The following CAMK2G variants were observed in gnomAD, a reference collection of about 807,000 sequenced individuals.
The protein encoded by CAMK2G is calcium/calmodulin dependent protein kinase II gamma, also known as calcium/calmodulin-dependent protein kinase type II subunit gamma.
In CAMK2G, 23 loss-of-function variants were observed where a neutral mutation model predicts 88.7. The observed-to-expected ratio is 0.26, with a 90% CI of 0.19 to 0.37. CAMK2G has a LOEUF of 0.37. Ranked by LOEUF, CAMK2G falls within the 10% of genes least tolerant of loss-of-function variation. The pLI is 1.00. For synonymous variants in CAMK2G, 263 were observed against 294.8 expected (o/e 0.89, Z 1.11); for missense variants, 476 against 780.8 (o/e 0.61, Z 4.65).
At chr10:73,868,969 G>A (rs1331496106) in intron 2 of CAMK2G, among the ~76,000 whole-genome samples, 4 of 152,158 alleles carry the variant, frequency 2.6e-5, no homozygotes, top group Non-Finnish European at 5.9e-5. Context: ...GGCCCAGAAC[G>A]AGGCCCCTAA....
At chr10:73,861,157 G>A (rs1185214331) in intron 2 of CAMK2G, among the ~76,000 whole-genome samples, 1 of 152,206 alleles carries the variant, frequency 6.6e-6, no homozygotes, top group Non-Finnish European at 1.5e-5. Flanking sequence ...CTCCTGAATA[G>A]CTGGAACTAT....
At chr10:73,851,865 C>T (rs979592529) in intron 5 of CAMK2G, among the ~76,000 whole-genome samples, 5 of 151,910 alleles carry the variant, frequency 3.3e-5, no homozygotes, top group South Asian at 4.1e-4. Context: ...CTGCCTCAGC[C>T]GCCTAAGTAG....
intron 15 of CAMK2G, among the ~76,000 whole-genome samples, chr10:73,827,880 G>A (rs539755143): frequency 2.2e-4 from 33 of 152,332 alleles, no homozygotes; most frequent in African/African-American, 5.1e-4. Flanking sequence ...AGGGGGTGCC[G>A]TACCACCCCT....
chr10:73,857,732 C>T (rs773917454), intron 3 of CAMK2G, among the ~76,000 whole-genome samples: 92 of 152,290 alleles, frequency 6.0e-4, no homozygotes, highest in Non-Finnish European at 1.0e-3. Flanking sequence ...ACAGGTAGAA[C>T]GGACTTCATT....
chr10:73,851,665 C>CA (rs1234958659), intron 5 of CAMK2G, among the ~76,000 whole-genome samples: 4 of 129,956 alleles, frequency 3.1e-5, no homozygotes, highest in Non-Finnish European at 6.2e-5. Context: ...CATGGTAGTG[C>CA]AAAAAAAAAG....
At chr10:73,866,438 G>A (rs117514505) in intron 2 of CAMK2G, among the ~76,000 whole-genome samples, 2 of 152,056 alleles carry the variant, frequency 1.3e-5, no homozygotes, top group Non-Finnish European at 2.9e-5. Context: ...CTCAGGGATG[G>A]GCCTGCTTGA....
At chr10:73,855,657 G>A (rs1363691123) in intron 3 of CAMK2G, among the ~76,000 whole-genome samples, 1 of 152,240 alleles carries the variant, frequency 6.6e-6, no homozygotes, top group African/African-American at 2.4e-5. Flanking sequence ...CTCCAGGAAG[G>A]CCACACACAG....
At chr10:73,847,476 T>G (rs995060587) in intron 9 of CAMK2G, 129 bp from the exon 10 acceptor site, 1 of 965,786 alleles carries the variant, frequency 1.0e-6, no homozygotes, top group Non-Finnish European at 1.6e-6. Flanking sequence ...ACTGGCAGAG[T>G]TGGAGAAGCC....
Position 73,819,570 on chromosome 10 carries a change from G to A in CAMK2G, c.1325C>T (p.Ala442Val), listed in dbSNP as rs151002498. The A allele has an allele frequency of 6.5e-5, 100 of 1,549,348 alleles. No individual in the cohort carries two copies. The highest frequency in any genetic ancestry group is 8.7e-5 in the Non-Finnish European group (100 of 1,146,848). The change falls in exon 19 of 23, where the codon GCA becomes GTA. Residue 442 changes from alanine (A) to valine (V), a missense_variant. By Grantham distance (64) the Ala-to-Val change is moderately conservative. This residue lies in a region of CAMK2G where 278 missense variants were observed against 366.5 expected (regional missense o/e 0.76). Transcript: ENST00000423381. ...RSSRDRTAPSAGMQPQPSLCS... is the reference protein window; with the variant it reads ...RSSRDRTAPSVGMQPQPSLCS... ...GAGAGAAGGCTGGGGCTGCATGCCT[G>A]CAGAGGGGGCTGTTCTGTCCCGGGA...
chr10:73,845,908 T>C (rs1264732076), intron 10 of CAMK2G, among the ~76,000 whole-genome samples: 6 of 149,180 alleles, frequency 4.0e-5, no homozygotes, highest in Admixed American at 1.3e-4. Context: ...TCCCTTCTTT[T>C]TTTTTTTTTT....
chr10:73,859,054 G>A (rs2095244019), intron 3 of CAMK2G, among the ~76,000 whole-genome samples: 1 of 152,238 alleles, frequency 6.6e-6, no homozygotes, highest in Non-Finnish European at 1.5e-5. Context: ...GTCACAAGGA[G>A]CATAAAGGAA....
At chr10:73,822,324 T>C (rs1257431049) in intron 17 of CAMK2G, among the ~76,000 whole-genome samples, 1 of 152,188 alleles carries the variant, frequency 6.6e-6, no homozygotes, top group African/African-American at 2.4e-5. Flanking sequence ...CCTGCCACCA[T>C]GCCTGGCTAA....
intron 2 of CAMK2G, among the ~76,000 whole-genome samples, chr10:73,861,114 ACTCCTGGGCTCAAG>A (rs1299111092): frequency 3.3e-5 from 5 of 151,942 alleles, no homozygotes; most frequent in Non-Finnish European, 7.4e-5. Context: ...GCAGCCTCAA[ACTCCTGGGCTCAAG>A]CAATCCTCCC....
At chr10:73,825,067 C>T (rs770113892) in intron 16 of CAMK2G, among the ~76,000 whole-genome samples, 2 of 152,204 alleles carry the variant, frequency 1.3e-5, no homozygotes, top group African/African-American at 4.8e-5. Flanking sequence ...GGAGCAGGAG[C>T]AGGAGCAGCA....
chr10:73,849,242 A>T lies in CAMK2G; in HGVS notation c.414+19T>A. On this transcript the variant is annotated intron_variant, in intron 6 of 22. Coordinates refer to ENST00000423381, the MANE Select transcript of CAMK2G (RefSeq NM_001367534.1). ...CAACACTTCATGAGCAGAGGCACGG[A>T]GGGGAGCCTGGGTAGTACCTTCAGG... 1 of 1,607,074 alleles carries T rather than the reference A, an allele frequency of 6.2e-7. No individual in the cohort carries two copies. The highest frequency in any genetic ancestry group is 8.5e-7 in the Non-Finnish European group (1 of 1,173,680).
chr10:73,862,606 A>G (rs2095430563), intron 2 of CAMK2G, among the ~76,000 whole-genome samples: 1 of 152,184 alleles, frequency 6.6e-6, no homozygotes, highest in Admixed American at 6.5e-5. Flanking sequence ...CAGGTTTAAA[A>G]AGATAGAGTA....
At position 73,814,286 on chromosome 10, in the gene CAMK2G, TC is replaced by T. The variant is rs2084760914; in HGVS notation, c.*231del. On this transcript the variant is annotated 3_prime_UTR_variant, in exon 23 of 23. Transcript: ENST00000423381. ...CTTTTTTTTTTAAACAATCTTTTTTTCTTTTTTTTTTTTCTTAAATGTAAAA... is the reference window on the plus strand; with the variant it reads ...CTTTTTTTTTTAAACAATCTTTTTTTTTTTTTTTTTTTCTTAAATGTAAAA... The T allele has an allele frequency of 2.6e-5, 4 of 151,110 alleles. No individual in the cohort carries two copies. The South Asian group carries it at 8.4e-4, about 32-fold the overall frequency. 9.4% of individuals were successfully genotyped at this position (151,110 alleles called of 1,614,324 possible).
rs762664935 is a variant in CAMK2G at position 73,815,023 on chromosome 10, G to T, written c.1759C>A (p.Leu587Met). The T allele has an allele frequency of 3.3e-5, 53 of 1,612,120 alleles. No individual in the cohort carries two copies. Among genetic ancestry groups the T allele is most frequent in the Non-Finnish European group, 4.3e-5 (51 of 1,178,778 alleles). The change falls in exon 22 of 23, where the codon CTG becomes ATG. Residue 587 changes from leucine to methionine, a missense_variant. By Grantham distance (15) the Leu-to-Met change is conservative. This residue lies in a region of CAMK2G where 278 missense variants were observed against 366.5 expected (regional missense o/e 0.76). Transcript: ENST00000423381. ...YHCSGAPAAP[L>M]Q ...TGCACCTGTGGCTGAGCTCACTGCA[G>T]CGGTGCGGCAGGGGCCCCTGAGCAG... is the stretch of plus-strand genomic sequence containing the variant.
chr10:73,822,571 A>T (rs1316521148), intron 17 of CAMK2G, among the ~76,000 whole-genome samples: 1 of 152,124 alleles, frequency 6.6e-6, no homozygotes, highest in African/African-American at 2.4e-5. Context: ...TTGCTGCTGG[A>T]AGAAAATGCA....
Sources: allele counts gnomAD v4.1 joint callset (sites outside exome capture counted in the v4.1 genomes callset), GRCh38; gene constraint gnomAD v4.1.1; regional missense constraint gnomAD v4.1.1; transcripts MANE v1.5; gene names NCBI Gene and HGNC (gene_info 2026-07-23, HGNC 2026-07-21).